The following NKAIN3 variants were observed in gnomAD, a reference collection of about 807,000 sequenced individuals.
The protein encoded by NKAIN3 is sodium/potassium transporting ATPase interacting 3.
NKAIN3 carries 25 observed loss-of-function variants against 30.2 expected under a neutral mutation model. The observed-to-expected ratio is 0.83, with a 90% CI of 0.60 to 1.16. The LOEUF (loss-of-function observed/expected upper bound fraction) is 1.16. Ranked by LOEUF, NKAIN3 falls within the 50% of genes most tolerant of loss-of-function variation. The pLI is 0.00. For synonymous variants in NKAIN3, 91 were observed against 89.6 expected, an observed-to-expected ratio of 1.02 and a Z score of -0.09; for missense variants, 225 against 254.1, an observed-to-expected ratio of 0.89 and a Z score of 0.78.
At position 62,589,701 on chromosome 8, in the gene NKAIN3, C is replaced by A; in HGVS notation, c.193-13C>A. On this transcript the variant is annotated splice_polypyrimidine_tract_variant and intron_variant, in intron 2 of 6. Transcript: ENST00000623646. ...ATTTTTCTTCTCTTTCTCCCTCCCC[C>A]ATTTCTATCTAGTATACAGTGTGGA... The A allele has an allele frequency of 3.7e-6, 5 of 1,358,332 alleles. No homozygotes were observed. Among genetic ancestry groups the A allele is most frequent in the Non-Finnish European group, 4.1e-6 (4 of 965,672 alleles). The allele number at this position is 1,358,332 out of a possible 1,614,324, so 84.1% of individuals were successfully genotyped here.
intron 4 of NKAIN3, among the ~76,000 whole-genome samples, chr8:62,877,685 C>T (rs1820841211): frequency 6.6e-6 from 1 of 152,106 alleles, no homozygotes; most frequent in African/African-American, 2.4e-5. Flanking sequence ...CCTTCATTTT[C>T]CTAATGGATA....
At chr8:62,818,244 G>A (rs957519677) in intron 4 of NKAIN3, among the ~76,000 whole-genome samples, 1 of 152,132 alleles carries the variant, frequency 6.6e-6, no homozygotes, top group Admixed American at 6.6e-5. Flanking sequence ...AGAGGGGAAA[G>A]CCAAATGAAG....
chr8:62,534,239 C>G (rs1024090725), intron 1 of NKAIN3, among the ~76,000 whole-genome samples: 1 of 152,088 alleles, frequency 6.6e-6, no homozygotes, highest in Non-Finnish European at 1.5e-5. Flanking sequence ...AGTTAAACAG[C>G]GACCACACGT....
intron 4 of NKAIN3, among the ~76,000 whole-genome samples, chr8:62,814,353 A>AAC (rs1818599578): frequency 6.6e-6 from 1 of 150,870 alleles, no homozygotes; most frequent in Non-Finnish European, 1.5e-5. Context: ...ATTTCTTTTT[A>AAC]AACATTAACA....
At chr8:62,883,443 CAGGAG>C (rs1464182495) in intron 4 of NKAIN3, among the ~76,000 whole-genome samples, 1 of 48,684 alleles carries the variant, frequency 2.1e-5, no homozygotes, top group African/African-American at 1.1e-4. Flanking sequence ...TTATTATTTC[CAGGAG>C]TTTTATGGGT....
chr8:62,591,473 CAAAT>C (rs1426409425), intron 3 of NKAIN3, among the ~76,000 whole-genome samples: 1 of 151,882 alleles, frequency 6.6e-6, no homozygotes, highest in Non-Finnish European at 1.5e-5. Flanking sequence ...AGTAATAAAA[CAAAT>C]AAATAAGTAT....
At chr8:62,599,666 T>C (rs1035615065) in intron 3 of NKAIN3, among the ~76,000 whole-genome samples, 1 of 152,046 alleles carries the variant, frequency 6.6e-6, no homozygotes, top group Admixed American at 6.6e-5. Flanking sequence ...GAGTGACTCG[T>C]TTAAAAATAT....
At chr8:62,995,904 C>G (rs1804102141) in intron 5 of NKAIN3, among the ~76,000 whole-genome samples, 1 of 152,204 alleles carries the variant, frequency 6.6e-6, no homozygotes, top group South Asian at 2.1e-4. Flanking sequence ...TGCAAATTCT[C>G]AAGCCTCACC....
chr8:62,990,960 G>A (rs544943879), intron 5 of NKAIN3: 4 of 152,300 alleles, frequency 2.6e-5, no homozygotes, highest in Non-Finnish European at 5.9e-5. Flanking sequence ...CCTTCAATAG[G>A]GTGGCCAGAA....
intron 4 of NKAIN3, among the ~76,000 whole-genome samples, chr8:62,764,021 G>C (rs774566166): frequency 1.3e-5 from 2 of 152,182 alleles, no homozygotes; most frequent in Non-Finnish European, 2.9e-5. Flanking sequence ...GCATGTCTCT[G>C]GTTAGGGAGG....
At chr8:62,746,876 A>G (rs1465291322) in intron 3 of NKAIN3, 56 bp from the exon 4 acceptor site, 1 of 1,279,576 alleles carries the variant, frequency 7.8e-7, no homozygotes, top group African/African-American at 1.4e-5. Flanking sequence ...GTCAAAGTCA[A>G]AGACGTGATG....
At chr8:62,375,736 A>G (rs1817058913) in intron 1 of NKAIN3, among the ~76,000 whole-genome samples, 1 of 152,234 alleles carries the variant, frequency 6.6e-6, no homozygotes. Context: ...TACAGAAAGA[A>G]TCTTTAATGA....
At chr8:62,417,006 T>A (rs574646645) in intron 1 of NKAIN3, among the ~76,000 whole-genome samples, 28 of 148,636 alleles carry the variant, frequency 1.9e-4, no homozygotes, top group Admixed American at 1.7e-3. Context: ...ATATATATAT[T>A]TATATATATA....
intron 1 of NKAIN3, among the ~76,000 whole-genome samples, chr8:62,437,143 G>T (rs185439638): frequency 5.2e-4 from 68 of 130,744 alleles, no homozygotes; most frequent in African/African-American, 1.6e-3. Flanking sequence ...CTTATGAACA[G>T]AGGTAGAATA....
intron 5 of NKAIN3, among the ~76,000 whole-genome samples, chr8:62,952,222 A>G (rs190840758): frequency 6.6e-6 from 1 of 152,282 alleles, no homozygotes; most frequent in Admixed American, 6.5e-5. Context: ...TGGAAATAAT[A>G]CAATACAATT....
chr8:62,574,935 C>A (rs1247094754), intron 1 of NKAIN3, among the ~76,000 whole-genome samples: 1 of 151,500 alleles, frequency 6.6e-6, no homozygotes, highest in Non-Finnish European at 1.5e-5. Flanking sequence ...AGGATAAAAA[C>A]CTTTAAAAAA....
chr8:62,878,098 A>T (rs192000352), intron 4 of NKAIN3, among the ~76,000 whole-genome samples: 1 of 151,966 alleles, frequency 6.6e-6, no homozygotes, highest in Admixed American at 6.5e-5. Flanking sequence ...ATTTCAGCCA[A>T]TAATAAAATA....
At chr8:62,323,354 C>T (rs549620974) in intron 1 of NKAIN3, among the ~76,000 whole-genome samples, 105 of 152,206 alleles carry the variant, frequency 6.9e-4, no homozygotes, top group Non-Finnish European at 1.4e-3. Flanking sequence ...GGATTATGCA[C>T]GCCATAGTTA....
chr8:62,788,435 C>T (rs1287125064), intron 4 of NKAIN3, among the ~76,000 whole-genome samples: 1 of 151,986 alleles, frequency 6.6e-6, no homozygotes, highest in Non-Finnish European at 1.5e-5. Context: ...TGGATATTAG[C>T]CCTTTGTCAG....
Sources: allele counts gnomAD v4.1 joint callset (sites outside exome capture counted in the v4.1 genomes callset), GRCh38; gene constraint gnomAD v4.1.1; transcripts MANE v1.5; gene names NCBI Gene and HGNC (gene_info 2026-07-23, HGNC 2026-07-21).